FOXN3: variants seen among roughly 807,000 people sequenced by gnomAD.
The protein encoded by FOXN3 is forkhead box N3, also known as forkhead box protein N3.
FOXN3 carries 7 observed loss-of-function variants against 38.4 expected under a neutral mutation model. That is an observed-to-expected ratio of 0.18 (90% CI 0.10 to 0.34). FOXN3 has a LOEUF of 0.34. Among genes scored for constraint, FOXN3 ranks in the 10% least tolerant of loss-of-function variants. FOXN3 has a pLI of 1.00. For synonymous variants in FOXN3, 230 were observed against 242.2 expected (o/e 0.95, Z 0.47); for missense variants, 456 against 613.4 (o/e 0.74, Z 2.71).
chr14:89,172,775 T>A (rs1388582705), intron 5 of FOXN3, among the ~76,000 whole-genome samples: 3 of 152,160 alleles, frequency 2.0e-5, no homozygotes, highest in African/African-American at 7.2e-5. Flanking sequence ...ACTTAATAAG[T>A]GATGCTGAGA....
intron 1 of FOXN3, among the ~76,000 whole-genome samples, chr14:89,574,537 C>G (rs1365603651): frequency 6.6e-6 from 1 of 152,108 alleles, no homozygotes; most frequent in African/African-American, 2.4e-5. Context: ...CTTGAGGGAG[C>G]TTGGTGCCAG....
At chr14:89,544,640 G>A (rs942464894) in intron 1 of FOXN3, among the ~76,000 whole-genome samples, 12 of 152,170 alleles carry the variant, frequency 7.9e-5, no homozygotes, top group Non-Finnish European at 1.6e-4. Context: ...ATCAGCTACA[G>A]TAGTCCCTCC....
intron 4 of FOXN3, among the ~76,000 whole-genome samples, chr14:89,276,055 T>A (rs914596486): frequency 6.6e-5 from 10 of 152,110 alleles, no homozygotes; most frequent in African/African-American, 2.4e-4. Context: ...GGCAGATGGA[T>A]CACATGAGAT....
upstream of FOXN3, chr14:89,417,876 C>G: frequency 2.5e-6 from 1 of 401,160 alleles, no homozygotes; most frequent in South Asian, 1.7e-5. Flanking sequence ...CAAGAGGCAC[C>G]GTCCTAAAGG....
At chr14:89,266,487 T>C (rs28623319) in intron 4 of FOXN3, among the ~76,000 whole-genome samples, 4 of 151,750 alleles carry the variant, frequency 2.6e-5, no homozygotes, top group Non-Finnish European at 4.4e-5. Context: ...TGGAGGCGGC[T>C]GGGGGGGCGG....
chr14:89,243,255 T>C (rs1408976083), intron 4 of FOXN3, among the ~76,000 whole-genome samples: 2 of 152,240 alleles, frequency 1.3e-5, no homozygotes, highest in Admixed American at 1.3e-4. Context: ...AAATATTTCA[T>C]GACCCAGAGC....
At position 89,409,409 on chromosome 14, in the gene FOXN3, C is replaced by G. The variant is rs532895827; in HGVS notation, c.543+2525G>C. 5.3e-5 allele frequency: 8 copies of G among 151,970 alleles called. 1 individual carries two copies. In the East Asian group the frequency reaches 1.6e-3, roughly 30 times the overall value. The allele number at this position is 151,970 out of a possible 1,614,324, so 9.4% of individuals were successfully genotyped here. ...CCCAGTGTGCCTCAACACAGGGCAT[C>G]CAACACCCACTTGTCACTCCCAAGG... On this transcript the variant is annotated intron_variant, in intron 2 of 5. Coordinates refer to ENST00000557258, the MANE Select transcript of FOXN3 (RefSeq NM_005197.4).
In FOXN3 at chr14:89,259,769, G is replaced by C. The variant is rs1885738776; in HGVS notation, c.745+21181C>G. On this transcript the variant is annotated intron_variant, in intron 4 of 5. Transcript: ENST00000557258. ...GGCTCGGCAGAAACTTCCAGGCTTT[G>C]GGGTCAACTCCCCCGACAGAAACCT... is the stretch of plus-strand genomic sequence containing the variant. Among the ~76,000 whole-genome samples the C allele has an allele frequency of 2.0e-5, 3 of 152,204 alleles. No individual in the cohort carries two copies. The East Asian group carries it at 5.8e-4, about 29-fold the overall frequency.
At chr14:89,254,014 C>T (rs1885542487) in intron 4 of FOXN3, among the ~76,000 whole-genome samples, 1 of 151,994 alleles carries the variant, frequency 6.6e-6, no homozygotes, top group Non-Finnish European at 1.5e-5. Flanking sequence ...TTTTTTAATC[C>T]CTGGTCAAGA....
At chr14:89,481,569 C>T (rs1893331066) in intron 1 of FOXN3, among the ~76,000 whole-genome samples, 2 of 152,056 alleles carry the variant, frequency 1.3e-5, no homozygotes, top group African/African-American at 4.8e-5. Context: ...GTGAGGCAGC[C>T]CCATGGAGGG....
chr14:89,362,519 T>C (rs111217241), intron 2 of FOXN3, among the ~76,000 whole-genome samples: 31 of 144 alleles, frequency 0.22, 14 homozygotes, highest in Non-Finnish European at 0.52. Context: ...ACCACCACCA[T>C]CTCTACGACC....
In FOXN3 at chr14:89,336,335, T is replaced by G. The variant is rs115449839; in HGVS notation, c.680+14337A>C. 5.4e-3 allele frequency among the ~76,000 whole-genome samples: 824 copies of G among 152,258 alleles called. 12 individuals are homozygous for G. The highest frequency in any genetic ancestry group is 0.018 in the African/African-American group (758 of 41,540). On this transcript the variant is annotated intron_variant, in intron 3 of 5. Coordinates refer to ENST00000557258, the MANE Select transcript of FOXN3 (RefSeq NM_005197.4). ...GGCTCTCCCTCTAATTGTCATTGTTTCCTCACCATTGCCAGTTTCCAATGG... is the reference window on the plus strand; with the variant it reads ...GGCTCTCCCTCTAATTGTCATTGTTGCCTCACCATTGCCAGTTTCCAATGG...
At chr14:89,205,960 G>A (rs1015430984) in intron 4 of FOXN3, among the ~76,000 whole-genome samples, 4 of 152,198 alleles carry the variant, frequency 2.6e-5, no homozygotes, top group Non-Finnish European at 5.9e-5. Context: ...TGAATGGGAT[G>A]AGAGCCCTCA....
chr14:89,368,261 C>T (rs1171764298), intron 2 of FOXN3, among the ~76,000 whole-genome samples: 1 of 149,766 alleles, frequency 6.7e-6, no homozygotes, highest in Non-Finnish European at 1.5e-5. Flanking sequence ...ACCCAGGAGG[C>T]GGAGGTTGCA....
At chr14:89,417,797 G>T (rs190812905), upstream of FOXN3, 2 of 453,836 alleles carry the variant, frequency 4.4e-6, no homozygotes, top group African/African-American at 4.0e-5. Context: ...TGTCCCGGAG[G>T]TAAGCACCGC....
In FOXN3 at chr14:89,598,089, T is replaced by C. The variant is rs1257228296; in HGVS notation, c.-15+20939A>G. ...TCTGTCATCATTCTTTTAAAGATTATCTAAACTTTAAAACATGCATCCTTA... is the reference window on the plus strand; with the variant it reads ...TCTGTCATCATTCTTTTAAAGATTACCTAAACTTTAAAACATGCATCCTTA... On this transcript the variant is annotated intron_variant, in intron 1 of 6. Coordinates refer to the FOXN3 transcript ENST00000345097. 3.3e-5 allele frequency among the ~76,000 whole-genome samples: 5 copies of C among 152,300 alleles called. No individual in the cohort carries two copies. The East Asian group carries it at 9.6e-4, about 29-fold the overall frequency.
At chr14:89,448,173 A>T (rs1892546686) in intron 1 of FOXN3, among the ~76,000 whole-genome samples, 1 of 152,156 alleles carries the variant, frequency 6.6e-6, no homozygotes, top group Admixed American at 6.5e-5. Context: ...CACACTTTTC[A>T]TATTTGTTTC....
intron 4 of FOXN3, among the ~76,000 whole-genome samples, chr14:89,188,207 T>C (rs1887858186): frequency 6.6e-6 from 1 of 152,188 alleles, no homozygotes; most frequent in South Asian, 2.1e-4. Context: ...AATTCAGCAT[T>C]TCAATGTAAA....
chr14:89,470,710 C>T (rs1278253732), intron 1 of FOXN3, among the ~76,000 whole-genome samples: 1 of 152,196 alleles, frequency 6.6e-6, no homozygotes, highest in African/African-American at 2.4e-5. Flanking sequence ...CTAAGGCCCC[C>T]ATGGAACGCA....
Sources: allele counts gnomAD v4.1 joint callset (sites outside exome capture counted in the v4.1 genomes callset), GRCh38; gene constraint gnomAD v4.1.1; transcripts MANE v1.5; gene names NCBI Gene and HGNC (gene_info 2026-07-23, HGNC 2026-07-21).